Variants in ACAN observed in about 807,000 individuals in gnomAD.
ACAN encodes the protein aggrecan.
In ACAN, 47 loss-of-function variants were observed where a neutral mutation model predicts 169.1. The ratio of observed to expected loss-of-function variants is 0.28; its 90% CI spans 0.22 to 0.35. ACAN has a LOEUF of 0.35. ACAN is among the 10% of genes least tolerant of loss of function. ACAN has a pLI of 1.00. For synonymous variants in ACAN, 1,115 were observed against 1,112.2 expected, an observed-to-expected ratio of 1.00 and a Z score of -0.05; for missense variants, 2,716 against 2,759.9, an observed-to-expected ratio of 0.98 and a Z score of 0.36.
At position 88,855,285 on chromosome 15, in the gene ACAN, C is replaced by T. The variant is rs750544614; in HGVS notation, c.2700C>T (p.Asp900=). 1.2e-6 allele frequency: 2 copies of T among 1,610,934 alleles called. No individual in the cohort carries two copies. Among genetic ancestry groups the T allele is most frequent in the South Asian group, 2.2e-5 (2 of 91,056 alleles). The change falls in exon 12 of 19, where the codon GAC becomes GAT. Residue 900 remains aspartate (D), a synonymous_variant. Transcript: ENST00000560601. Reference sequence around the variant, plus strand: ...GTGGACTGCCCTCTGGAGACCTGGACTCCAGTGGTCTTACTTCCACAGTGG... The same window carrying T: ...GTGGACTGCCCTCTGGAGACCTGGATTCCAGTGGTCTTACTTCCACAGTGG... ...RASGLPSGDL[D]SSGLTSTVGS... is the part of the protein sequence containing the mutation.
At chr15:88,841,935 C>A (rs550857995) in intron 5 of ACAN, 68 bp downstream of exon 5, 2 of 1,592,056 alleles carry the variant, frequency 1.3e-6, no homozygotes, top group African/African-American at 2.7e-5. Flanking sequence ...TCCCCATCTC[C>A]CCACTGACAC....
chr15:88,815,431 C>A (rs1013841161), intron 1 of ACAN, among the ~76,000 whole-genome samples: 1 of 151,732 alleles, frequency 6.6e-6, no homozygotes, highest in Admixed American at 6.6e-5. Flanking sequence ...AGGCAGCAGG[C>A]ACCTGTAATC....
rs139465497 is a variant in ACAN at position 88,866,931 on chromosome 15, C to A, written c.6947-1285C>A. ...CACTGGATCTGGAAGGCTGTGTGAA[C>A]ACAGCTGCACATACTGAGGCTCAGT... On this transcript the variant is annotated intron_variant, in intron 13 of 18. Coordinates refer to ENST00000560601, the MANE Select transcript of ACAN (RefSeq NM_001369268.1). This position sits in a 1 kb window ranked among gnomAD's most constrained non-coding sequence, Gnocchi z 5.6. 2.0e-5 allele frequency among the ~76,000 whole-genome samples: 3 copies of A among 152,322 alleles called. No homozygotes were observed. The East Asian group carries it at 5.8e-4, about 29-fold the overall frequency.
At position 88,874,082 on chromosome 15, in the gene ACAN, T is replaced by A. The variant is rs1897451862; in HGVS notation, c.7630+58T>A. 6.3e-7 allele frequency: 1 copy of A among 1,588,712 alleles called. No homozygotes were observed. Among genetic ancestry groups the A allele is most frequent in the Non-Finnish European group, 8.5e-7 (1 of 1,172,854 alleles). On this transcript the variant is annotated intron_variant, in intron 18 of 18. Transcript: ENST00000560601. The surrounding 1 kb of genome is among the most constrained non-coding windows in gnomAD (Gnocchi z 7.3). ...AGGGTTAGATTCTGCCAGCACAGCCTTCCCCCCGTCCCCTCTCCTGGGGAC... is the reference window on the plus strand; with the variant it reads ...AGGGTTAGATTCTGCCAGCACAGCCATCCCCCCGTCCCCTCTCCTGGGGAC...
chr15:88,829,137 G>A (rs1896297589), intron 1 of ACAN, among the ~76,000 whole-genome samples: 1 of 152,216 alleles, frequency 6.6e-6, no homozygotes, highest in Non-Finnish European at 1.5e-5. Context: ...CTTCAGTGAT[G>A]ACAGAGCAAG....
At chr15:88,826,037 C>G (rs951540232) in intron 1 of ACAN, among the ~76,000 whole-genome samples, 2 of 152,212 alleles carry the variant, frequency 1.3e-5, no homozygotes, top group South Asian at 4.1e-4. Flanking sequence ...CCTCTGTGAT[C>G]AGCAACACAG....
chr15:88,872,686 G>A lies in ACAN; in HGVS notation c.7303-195G>A, dbSNP rs147566078. On this transcript the variant is annotated intron_variant, in intron 16 of 18. Coordinates refer to ENST00000560601, the MANE Select transcript of ACAN (RefSeq NM_001369268.1). The surrounding 1 kb of genome is among the most constrained non-coding windows in gnomAD (Gnocchi z 5.4). ...AAGCTGTGTGACTGATTCCCTAGAG[G>A]GCCACCGGGTTCCATGGCCCCTAGA... 0.01 allele frequency among the ~76,000 whole-genome samples: 1,561 copies of A among 152,232 alleles called. 24 individuals are homozygous for A. Among genetic ancestry groups the A allele is most frequent in the Admixed American group, 0.018 (269 of 15,290 alleles).
chr15:88,873,755 GT>G lies in ACAN; in HGVS notation c.7448-86del. 1 of 1,402,650 alleles carries G rather than the reference GT, an allele frequency of 7.1e-7. No homozygotes were observed. Among genetic ancestry groups the G allele is most frequent in the Non-Finnish European group, 9.8e-7 (1 of 1,020,472 alleles). 86.9% of individuals were successfully genotyped at this position (1,402,650 alleles called of 1,614,324 possible). On this transcript the variant is annotated intron_variant, in intron 17 of 18. Coordinates refer to ENST00000560601, the MANE Select transcript of ACAN (RefSeq NM_001369268.1). This position sits in a 1 kb window ranked among gnomAD's most constrained non-coding sequence, Gnocchi z 7.5. ...GCTCACTGTCAGATGTTGAGGCTGT[GT>G]CCCCCACAGTGCCTCGGGTCACAAC...
intron 1 of ACAN, among the ~76,000 whole-genome samples, chr15:88,833,373 C>T (rs1480690759): frequency 6.6e-6 from 1 of 152,172 alleles, no homozygotes; most frequent in African/African-American, 2.4e-5. Flanking sequence ...TCCTGCTCCC[C>T]AAGCTCCCCT....
At position 88,858,709 on chromosome 15, in the gene ACAN, G is replaced by A. The variant is rs200423695; in HGVS notation, c.6124G>A (p.Val2042Met). The A allele has an allele frequency of 2.2e-4, 363 of 1,613,812 alleles. No individual in the cohort carries two copies. Among genetic ancestry groups the A allele is most frequent in the South Asian group, 5.6e-4 (51 of 91,080 alleles). ...PEVTLITSEF[V>M]EGVTEPTISQ... ...AGTTACTTTAATCACTTCTGAGTTC[G>A]TGGAGGGTGTTACTGAACCAACTAT... Residue 2042 changes from valine (V) to methionine (M), a missense_variant, in exon 12 of 19, where the codon GTG (valine) becomes ATG (methionine). Coordinates refer to ENST00000560601, the MANE Select transcript of ACAN (RefSeq NM_001369268.1). The surrounding 1 kb of genome is among the most constrained non-coding windows in gnomAD (Gnocchi z 4.0).
chr15:88,835,783 G>C (rs970569450), intron 1 of ACAN, among the ~76,000 whole-genome samples: 2 of 152,196 alleles, frequency 1.3e-5, no homozygotes. Flanking sequence ...CCACATTAGG[G>C]AGGACCATCT....
Position 88,874,918 on chromosome 15 carries a change from T to TGGAAGGAGCAGAGGCCTGAGAGCA in ACAN, c.*443_*466dup. On this transcript the variant is annotated 3_prime_UTR_variant, in exon 19 of 19. Transcript: ENST00000560601. The surrounding 1 kb of genome is among the most constrained non-coding windows in gnomAD (Gnocchi z 7.3). ...GGAGGGAGGAGGGCTCCAAAGGAGC[T>TGGAAGGAGCAGAGGCCTGAGAGCA]GGAAGGAGCAGAGGCCTGAGAGCAG... 1 of 339,572 alleles carries TGGAAGGAGCAGAGGCCTGAGAGCA rather than the reference T, an allele frequency of 2.9e-6. No homozygotes were observed. The highest frequency in any genetic ancestry group is 2.5e-5 in the South Asian group (1 of 40,672). The allele number at this position is 339,572 out of a possible 1,614,324, so 21.0% of individuals were successfully genotyped here.
rs565190001 is a variant in ACAN at position 88,857,905 on chromosome 15, T to C, written c.5320T>C (p.Tyr1774His). 6.2e-7 allele frequency: 1 copy of C among 1,613,418 alleles called. No individual in the cohort carries two copies. Among genetic ancestry groups the C allele is most frequent in the South Asian group, 1.1e-5 (1 of 91,056 alleles). Residue 1774 changes from tyrosine (Y) to histidine (H), a missense_variant, in exon 12 of 19, where the codon TAT becomes CAT. Transcript: ENST00000560601. The stretch of plus-strand genomic sequence containing the variant: ...TAGTGGAGAAGCATCTGGAGTTCTT[T>C]ATGGCACTAGTCAACCCTTTGGCAT... ...GISGEASGVL[Y>H]GTSQPFGITD... is the part of the protein sequence containing the mutation.
intron 1 of ACAN, among the ~76,000 whole-genome samples, chr15:88,821,456 C>G (rs1168339368): frequency 1.3e-5 from 2 of 152,166 alleles, no homozygotes; most frequent in East Asian, 1.9e-4. Flanking sequence ...AGGATTTATT[C>G]CCCCATTGCA....
chr15:88,852,066 G>C (rs759435155), intron 11 of ACAN, 33 bp downstream of exon 11: 228 of 1,564,564 alleles, frequency 1.5e-4, no homozygotes, highest in Non-Finnish European at 1.5e-4. Flanking sequence ...GGCACACCCT[G>C]AAGCTGCATA....
At chr15:88,846,936 G>A (rs959241089) in intron 7 of ACAN, among the ~76,000 whole-genome samples, 1 of 152,200 alleles carries the variant, frequency 6.6e-6, no homozygotes, top group Non-Finnish European at 1.5e-5. Flanking sequence ...CTTAATACAT[G>A]TGTGAAAATG....
Position 88,871,447 on chromosome 15 carries a change from C to A in ACAN, c.7126C>A (p.Arg2376Ser), listed in dbSNP as rs1013531754. ...CCACTGTTACCGCCACTTCCCGGAC[C>A]GCGAGACCTGGGTGGATGCTGAGCG... ...QGHCYRHFPD[R>S]ETWVDAERRC... The change falls in exon 15 of 19, where the codon CGC becomes AGC. Residue 2376 changes from arginine (R) to serine (S), a missense_variant. Around this residue, in one of 3 missense-constraint regions of ACAN, gnomAD observed 1,389 missense variants for 1,363.7 expected, o/e 1.02. Coordinates refer to ENST00000560601, the MANE Select transcript of ACAN (RefSeq NM_001369268.1). The surrounding 1 kb of genome is among the most constrained non-coding windows in gnomAD (Gnocchi z 7.8). The A allele has an allele frequency of 6.2e-7, 1 of 1,613,842 alleles. No homozygotes were observed. The highest frequency in any genetic ancestry group is 1.3e-5 in the African/African-American group (1 of 74,936).
In ACAN at chr15:88,873,960, CA is replaced by C. The variant is rs751064775; in HGVS notation, c.7567del (p.Met2523CysfsTer86). 6.2e-7 allele frequency: 1 copy of C among 1,613,456 alleles called. No homozygotes were observed. The highest frequency in any genetic ancestry group is 8.5e-7 in the Non-Finnish European group (1 of 1,179,872). ...GCACAGAGGGGTTTGTCCAGCGCCA[CA>C]TGCCCACCATCCGGTGCCAGCCCAG... ...QCTEGFVQRH[M>X]PTIRCQPSGH... On this transcript the variant is annotated frameshift_variant, in exon 18 of 19. Coordinates refer to ENST00000560601, the MANE Select transcript of ACAN (RefSeq NM_001369268.1). LOFTEE classifies it high-confidence loss of function. This position sits in a 1 kb window ranked among gnomAD's most constrained non-coding sequence, Gnocchi z 7.5.
chr15:88,845,816 G>A lies in ACAN; in HGVS notation c.1363G>A (p.Ala455Thr), dbSNP rs924968633. The change falls in exon 7 of 19, where the codon GCA (alanine) becomes ACA (threonine). Residue 455 changes from alanine to threonine, a missense_variant. Ala to Thr is a moderately conservative substitution (Grantham distance 58). Transcript: ENST00000560601. ...FPTPGLGPATAFTSEDLVVQV... is the reference protein window; with the variant it reads ...FPTPGLGPATTFTSEDLVVQV... ...CACACCTGGCCTGGGCCCTGCCACG[G>A]CATTCACCAGTGAGGACCTCGTCGT... is the stretch of plus-strand genomic sequence containing the variant. 3.2e-6 allele frequency: 5 copies of A among 1,541,796 alleles called. No individual in the cohort carries two copies. The highest frequency in any genetic ancestry group is 1.3e-5 in the South Asian group (1 of 79,708).
Sources: gnomAD v4.1 joint callset for allele counts (sites outside exome capture counted in the v4.1 genomes callset) on GRCh38, gnomAD v4.1.1 for gene constraint, gnomAD v4.1.1 regional missense constraint, Gnocchi (gnomAD v3.1) non-coding constraint, MANE v1.5 for transcripts, NCBI Gene and HGNC (gene_info 2026-07-23, HGNC 2026-07-21) for gene names.